UBE2E2: variants seen among roughly 807,000 people sequenced by gnomAD.
UBE2E2 encodes ubiquitin-conjugating enzyme E2 E2.
UBE2E2 carries 6 observed loss-of-function variants against 24.7 expected under a neutral mutation model. The observed-to-expected ratio is 0.24, with a 90% CI of 0.13 to 0.48. The LOEUF is 0.48. Among genes scored for constraint, UBE2E2 ranks in the 20% least tolerant of loss-of-function variants. The probability of loss-of-function intolerance (pLI) is 0.99; values close to 1 mark genes in which losing one functional copy is unlikely to be tolerated. For missense variants in UBE2E2, 169 were observed against 245.0 expected (o/e 0.69, Z 2.07); for synonymous variants, 104 against 83.6 (o/e 1.24, Z -1.33).
chr3:23,565,299 C>T (rs1696043306), intron 5 of UBE2E2, among the ~76,000 whole-genome samples: 1 of 151,996 alleles, frequency 6.6e-6, no homozygotes, highest in Non-Finnish European at 1.5e-5. Context: ...AGGGAGGCAA[C>T]CAGATGCAAG....
intron 3 of UBE2E2, among the ~76,000 whole-genome samples, chr3:23,302,458 T>G (rs183413026): frequency 1.3e-5 from 2 of 152,304 alleles, no homozygotes; most frequent in East Asian, 3.9e-4. Flanking sequence ...CACCGCACAT[T>G]CTTAACAGCT....
intron 4 of UBE2E2, among the ~76,000 whole-genome samples, chr3:23,531,169 C>T (rs977407432): frequency 3.7e-4 from 56 of 152,124 alleles, no homozygotes; most frequent in African/African-American, 1.3e-3. Flanking sequence ...TCTGAGACTT[C>T]GCATCATGTA....
At chr3:23,432,725 C>T (rs989594402) in intron 3 of UBE2E2, among the ~76,000 whole-genome samples, 2 of 151,930 alleles carry the variant, frequency 1.3e-5, no homozygotes, top group Non-Finnish European at 2.9e-5. Flanking sequence ...TTTGAAAGAA[C>T]TTTCCCAGCC....
chr3:23,576,954 C>G (rs1057008883), intron 5 of UBE2E2, among the ~76,000 whole-genome samples: 1 of 151,518 alleles, frequency 6.6e-6, no homozygotes, highest in Admixed American at 6.6e-5. Context: ...AGGTTAGTAG[C>G]AAGCCCGTGT....
chr3:23,374,312 G>A (rs900443099), intron 3 of UBE2E2, among the ~76,000 whole-genome samples: 8 of 152,110 alleles, frequency 5.3e-5, no homozygotes, highest in South Asian at 4.1e-4. Context: ...TAGGAGATAA[G>A]TGTTTCACAT....
At chr3:23,510,025 C>T (rs1413857377) in intron 4 of UBE2E2, among the ~76,000 whole-genome samples, 1 of 152,114 alleles carries the variant, frequency 6.6e-6, no homozygotes, top group Non-Finnish European at 1.5e-5. Context: ...GTGAATAGTG[C>T]CACAATAAAC....
chr3:23,499,448 A>T (rs1374851040), intron 3 of UBE2E2, among the ~76,000 whole-genome samples, 160 bp from the exon 4 acceptor site: 8 of 152,240 alleles, frequency 5.3e-5, no homozygotes, highest in African/African-American at 1.9e-4. Flanking sequence ...CACTTCTAGG[A>T]TAATGACAAT....
At chr3:23,437,302 C>G (rs1470780484) in intron 3 of UBE2E2, among the ~76,000 whole-genome samples, 1 of 152,186 alleles carries the variant, frequency 6.6e-6, no homozygotes, top group East Asian at 1.9e-4. Flanking sequence ...ACCATGCCAC[C>G]TAAAACTGGC....
At chr3:23,278,080 G>A (rs1698408810) in intron 3 of UBE2E2, among the ~76,000 whole-genome samples, 1 of 152,078 alleles carries the variant, frequency 6.6e-6, no homozygotes, top group Non-Finnish European at 1.5e-5. Flanking sequence ...TGATAAATGA[G>A]TGGAAAAGGT....
intron 3 of UBE2E2, among the ~76,000 whole-genome samples, chr3:23,323,032 G>A (rs757580153): frequency 2.2e-4 from 33 of 151,684 alleles, no homozygotes; most frequent in Middle Eastern, 3.4e-3. Context: ...ATATAATATC[G>A]TGTCTATACA....
chr3:23,255,052 G>GCTGA (rs1444061077), intron 3 of UBE2E2, among the ~76,000 whole-genome samples: 1 of 147,698 alleles, frequency 6.8e-6, no homozygotes, highest in Non-Finnish European at 1.5e-5. Flanking sequence ...TTGAGAAATT[G>GCTGA]CTGAGATCAG....
At chr3:23,234,691 T>A (rs1019498192) in intron 3 of UBE2E2, among the ~76,000 whole-genome samples, 1 of 152,168 alleles carries the variant, frequency 6.6e-6, no homozygotes, top group African/African-American at 2.4e-5. Flanking sequence ...TGTACTAATC[T>A]CTAATGGCTT....
At chr3:23,533,741 G>GC (rs1339323120) in intron 5 of UBE2E2, among the ~76,000 whole-genome samples, 1 of 145,164 alleles carries the variant, frequency 6.9e-6, no homozygotes, top group African/African-American at 2.6e-5. Flanking sequence ...TCCTATCTTA[G>GC]CCCCCCAAGT....
intron 4 of UBE2E2, among the ~76,000 whole-genome samples, chr3:23,511,631 C>A (rs2125465635): frequency 6.6e-6 from 1 of 152,216 alleles, no homozygotes; most frequent in Admixed American, 6.5e-5. Context: ...AATTTTTGAA[C>A]CTATGAATTT....
intron 3 of UBE2E2, among the ~76,000 whole-genome samples, chr3:23,243,018 G>A (rs1032092095): frequency 2.0e-5 from 3 of 151,800 alleles, no homozygotes; most frequent in African/African-American, 7.3e-5. Flanking sequence ...CCTGGGAGGC[G>A]GAGGTTGCAG....
intron 3 of UBE2E2, among the ~76,000 whole-genome samples, chr3:23,488,388 T>C (rs1235013286): frequency 2.0e-5 from 3 of 152,052 alleles, no homozygotes; most frequent in Non-Finnish European, 4.4e-5. Flanking sequence ...CAGGCCCCGA[T>C]GTGTGATGTT....
intron 3 of UBE2E2, among the ~76,000 whole-genome samples, chr3:23,404,456 T>A (rs1697309153): frequency 1.3e-5 from 2 of 152,178 alleles, no homozygotes; most frequent in Admixed American, 1.3e-4. Flanking sequence ...TATCATTCTT[T>A]CTCAGATAAC....
chr3:23,212,614 A>ACT (rs10701454), intron 2 of UBE2E2, among the ~76,000 whole-genome samples: 106,827 of 151,722 alleles, frequency 0.7, 38,529 homozygotes, highest in African/African-American at 0.85. Flanking sequence ...TTGGTTTCAG[A>ACT]CTAAATTTTT....
chr3:23,446,147 G>A (rs1392481569), intron 3 of UBE2E2, among the ~76,000 whole-genome samples: 2 of 152,176 alleles, frequency 1.3e-5, no homozygotes, highest in African/African-American at 4.8e-5. Flanking sequence ...CGGGGTCTCT[G>A]ATAAATGGAT....
Sources: gnomAD v4.1 joint callset for allele counts (sites outside exome capture counted in the v4.1 genomes callset) on GRCh38, gnomAD v4.1.1 for gene constraint, MANE v1.5 for transcripts, NCBI Gene and HGNC (gene_info 2026-07-23, HGNC 2026-07-21) for gene names.